Variants in TNNI3K observed in about 807,000 individuals in gnomAD.
TNNI3K encodes the protein serine/threonine-protein kinase TNNI3K.
Under a neutral mutation model 114.5 loss-of-function variants are expected in TNNI3K, and 140 were observed. The observed-to-expected ratio is 1.22, with a 90% CI of 1.07 to 1.41. The LOEUF is 1.41. TNNI3K is among the 40% of genes most tolerant of loss of function. The pLI is 0.00. For missense variants in TNNI3K, 1,125 were observed against 1,007.6 expected, an observed-to-expected ratio of 1.12 and a Z score of -1.58; for synonymous variants, 347 against 347.5, an observed-to-expected ratio of 1.00 and a Z score of 0.02.
intron 11 of TNNI3K, among the ~76,000 whole-genome samples, chr1:74,364,774 A>G (rs750359847): frequency 2.6e-5 from 4 of 152,028 alleles, no homozygotes; most frequent in Non-Finnish European, 5.9e-5. Flanking sequence ...CTTTGAAGCA[A>G]TAGGAAGGGG....
At chr1:74,312,013 A>G (rs937313779) in intron 5 of TNNI3K, among the ~76,000 whole-genome samples, 18 of 152,280 alleles carry the variant, frequency 1.2e-4, no homozygotes, top group African/African-American at 4.1e-4. Context: ...TGTAAGTTGT[A>G]TTTAGATTCT....
At chr1:74,402,873 A>AT (rs928354214) in intron 17 of TNNI3K, among the ~76,000 whole-genome samples, 41 of 151,056 alleles carry the variant, frequency 2.7e-4, no homozygotes, top group South Asian at 1.5e-3. Context: ...ATGAGTTTTT[A>AT]TTTTTTTTTA....
At chr1:74,390,566 G>T (rs1663711792) in intron 17 of TNNI3K, among the ~76,000 whole-genome samples, 1 of 151,982 alleles carries the variant, frequency 6.6e-6, no homozygotes, top group Non-Finnish European at 1.5e-5. Flanking sequence ...AAGATTTATT[G>T]TGCACCTACT....
At chr1:74,274,829 C>T (rs1167019073) in intron 5 of TNNI3K, among the ~76,000 whole-genome samples, 1 of 152,020 alleles carries the variant, frequency 6.6e-6, no homozygotes, top group Non-Finnish European at 1.5e-5. Context: ...GTGCTCAGAA[C>T]TCTTACACTA....
intron 5 of TNNI3K, among the ~76,000 whole-genome samples, chr1:74,300,570 G>C (rs1438333815): frequency 6.6e-6 from 1 of 152,168 alleles, no homozygotes; most frequent in African/African-American, 2.4e-5. Context: ...AAAATGCAAA[G>C]ATCTTAAGCC....
chr1:74,371,839 CT>C (rs1662624739), intron 17 of TNNI3K: 1 of 151,656 alleles, frequency 6.6e-6, no homozygotes, highest in South Asian at 2.1e-4. Context: ...AATCCAGCAT[CT>C]GGTAAAATAT....
At chr1:74,350,877 G>A (rs58260605) in intron 9 of TNNI3K, among the ~76,000 whole-genome samples, 2,416 of 151,992 alleles carry the variant, frequency 0.016, 67 homozygotes, top group African/African-American at 0.056. Context: ...CGTGAGATGG[G>A]TTTCCTGAAT....
chr1:74,419,671 AG>A (rs2100631938), intron 17 of TNNI3K, among the ~76,000 whole-genome samples: 1 of 152,238 alleles, frequency 6.6e-6, no homozygotes, highest in Admixed American at 6.6e-5. Flanking sequence ...CTAGATATTC[AG>A]CATATATATG....
chr1:74,284,049 C>T (rs986976006), intron 5 of TNNI3K, among the ~76,000 whole-genome samples: 2 of 152,238 alleles, frequency 1.3e-5, no homozygotes, highest in South Asian at 2.1e-4. Flanking sequence ...TCTGAGCTCA[C>T]TATGTCTCAG....
intron 20 of TNNI3K, among the ~76,000 whole-genome samples, chr1:74,449,346 T>G (rs994090270): frequency 5.3e-5 from 8 of 151,566 alleles, no homozygotes; most frequent in Non-Finnish European, 1.2e-4. Flanking sequence ...TATTTGATTC[T>G]TCTCTCTTTT....
intron 24 of TNNI3K, among the ~76,000 whole-genome samples, chr1:74,540,705 G>C (rs962179331): frequency 6.6e-6 from 1 of 151,982 alleles, no homozygotes; most frequent in African/African-American, 2.4e-5. Context: ...AGTGTGTGTG[G>C]GTAGGGAGAG....
intron 2 of TNNI3K, among the ~76,000 whole-genome samples, chr1:74,248,138 G>T (rs1243247040): frequency 6.6e-6 from 1 of 152,154 alleles, no homozygotes; most frequent in East Asian, 1.9e-4. Flanking sequence ...ACCCTCTGCA[G>T]CTTCTGGCCC....
chr1:74,521,059 C>T (rs944811811), intron 23 of TNNI3K, among the ~76,000 whole-genome samples: 19 of 152,168 alleles, frequency 1.2e-4, no homozygotes, highest in African/African-American at 4.3e-4. Flanking sequence ...AGTGTTCTTA[C>T]AGCTATTTCT....
At chr1:74,522,018 T>G (rs1646439935) in intron 23 of TNNI3K, among the ~76,000 whole-genome samples, 1 of 152,164 alleles carries the variant, frequency 6.6e-6, no homozygotes, top group East Asian at 1.9e-4. Context: ...GGGAGATATA[T>G]CAACATCCCT....
intron 20 of TNNI3K, among the ~76,000 whole-genome samples, chr1:74,452,469 C>A (rs964622403): frequency 6.6e-6 from 1 of 152,010 alleles, no homozygotes; most frequent in African/African-American, 2.4e-5. Flanking sequence ...CTCTTTCTTT[C>A]TTTTTAAAAT....
intron 5 of TNNI3K, among the ~76,000 whole-genome samples, chr1:74,300,140 A>T (rs1436762391): frequency 6.6e-6 from 1 of 152,182 alleles, no homozygotes; most frequent in South Asian, 2.1e-4. Context: ...TTCAAGAAGC[A>T]GAAATCTAAG....
intron 5 of TNNI3K, among the ~76,000 whole-genome samples, chr1:74,295,133 A>AT (rs1480696902): frequency 2.7e-5 from 4 of 150,098 alleles, no homozygotes; most frequent in Non-Finnish European, 3.0e-5. Flanking sequence ...TGGGTCATTT[A>AT]TTTTTTCATT....
intron 5 of TNNI3K, among the ~76,000 whole-genome samples, chr1:74,312,983 A>C (rs1464842541): frequency 6.6e-6 from 1 of 152,198 alleles, no homozygotes; most frequent in East Asian, 1.9e-4. Context: ...TTTTAGAACC[A>C]ATCTGTACCT....
chr1:74,307,632 A>C (rs1326086014), intron 5 of TNNI3K, among the ~76,000 whole-genome samples: 2 of 152,194 alleles, frequency 1.3e-5, no homozygotes, highest in Non-Finnish European at 2.9e-5. Context: ...GAGCATGCTT[A>C]TTTGTAAAAC....
Sources: gnomAD v4.1 joint callset for allele counts (sites outside exome capture counted in the v4.1 genomes callset) on GRCh38, gnomAD v4.1.1 for gene constraint, MANE v1.5 for transcripts, NCBI Gene and HGNC (gene_info 2026-07-23, HGNC 2026-07-21) for gene names.